The following CTNNA3 variants were observed in gnomAD, a reference collection of about 807,000 sequenced individuals.
The protein encoded by CTNNA3 is catenin alpha 3.
Under a neutral mutation model 95.7 loss-of-function variants are expected in CTNNA3, and 76 were observed. The ratio of observed to expected loss-of-function variants is 0.79; its 90% CI spans 0.66 to 0.96. The LOEUF (loss-of-function observed/expected upper bound fraction) is 0.96, where lower values mean the gene tolerates loss of function less well. Among genes scored for constraint, CTNNA3 ranks in the 40% least tolerant of loss-of-function variants. CTNNA3 has a pLI of 0.00. For synonymous variants in CTNNA3, 431 were observed against 374.4 expected, an observed-to-expected ratio of 1.15 and a Z score of -1.74; for missense variants, 1,191 against 1,089.8, an observed-to-expected ratio of 1.09 and a Z score of -1.31.
intron 5 of CTNNA3, among the ~76,000 whole-genome samples, chr10:67,433,451 A>C (rs868157836): frequency 2.5e-4 from 38 of 152,090 alleles, no homozygotes; most frequent in African/African-American, 8.0e-4. Context: ...CACAGACAGG[A>C]AGTGACCACA....
chr10:66,455,213 G>A (rs1450206073), intron 11 of CTNNA3, among the ~76,000 whole-genome samples: 6 of 152,042 alleles, frequency 3.9e-5, no homozygotes, highest in South Asian at 2.1e-4. Flanking sequence ...AGGCAAGGAT[G>A]TTCACTCTAA....
chr10:66,928,482 T>TA, intron 7 of CTNNA3: 1 of 1,544,108 alleles, frequency 6.5e-7, no homozygotes, highest in South Asian at 1.3e-5. Context: ...AAAGAGCTCT[T>TA]AAAAGCTGGG....
intron 7 of CTNNA3, among the ~76,000 whole-genome samples, chr10:67,064,994 A>G (rs1270172983): frequency 6.6e-6 from 1 of 152,122 alleles, no homozygotes; most frequent in Non-Finnish European, 1.5e-5. Context: ...GAGCCATATA[A>G]TTTCCACAGC....
intron 5 of CTNNA3, among the ~76,000 whole-genome samples, chr10:67,293,613 C>T (rs1212972255): frequency 1.3e-5 from 2 of 151,702 alleles, no homozygotes; most frequent in African/African-American, 4.9e-5. Flanking sequence ...GTGTGCTGCA[C>T]CCATTAACTC....
At chr10:66,206,123 C>T (rs2087740667) in intron 13 of CTNNA3, among the ~76,000 whole-genome samples, 1 of 151,878 alleles carries the variant, frequency 6.6e-6, no homozygotes. Context: ...AGTCCTTTTA[C>T]TAGGTGTGCT....
intron 9 of CTNNA3, among the ~76,000 whole-genome samples, chr10:66,676,944 T>C (rs1348091371): frequency 6.6e-6 from 1 of 152,112 alleles, no homozygotes; most frequent in Non-Finnish European, 1.5e-5. Flanking sequence ...CAGTCTAGTA[T>C]GTTACAAATC....
chr10:67,344,753 C>T (rs1842349634), intron 5 of CTNNA3, among the ~76,000 whole-genome samples: 1 of 151,900 alleles, frequency 6.6e-6, no homozygotes, highest in African/African-American at 2.4e-5. Flanking sequence ...CTTACTCTGC[C>T]TAAAGGTTTG....
intron 17 of CTNNA3, among the ~76,000 whole-genome samples, chr10:65,957,259 C>G (rs2077750672): frequency 6.6e-6 from 1 of 152,106 alleles, no homozygotes; most frequent in Non-Finnish European, 1.5e-5. Context: ...TTCCTCCATC[C>G]CTTTATTTTG....
At chr10:67,682,542 GGAACATAAGCTCTTA>G (rs1840647647) in intron 1 of CTNNA3, among the ~76,000 whole-genome samples, 1 of 152,098 alleles carries the variant, frequency 6.6e-6, no homozygotes, top group South Asian at 2.1e-4. Flanking sequence ...TTAAGTGTTA[GGAACATAAGCTCTTA>G]GTATACACTG....
intron 5 of CTNNA3, among the ~76,000 whole-genome samples, chr10:67,304,181 T>C (rs1840444724): frequency 1.3e-5 from 2 of 152,196 alleles, no homozygotes; most frequent in Admixed American, 1.3e-4. Flanking sequence ...CAGCACCACT[T>C]CACCGTGCCC....
At chr10:66,345,038 T>A (rs940248387) in intron 12 of CTNNA3, among the ~76,000 whole-genome samples, 4 of 151,928 alleles carry the variant, frequency 2.6e-5, no homozygotes, top group Admixed American at 6.6e-5. Context: ...AGAGTAAAAC[T>A]CAGGAAAGAG....
intron 5 of CTNNA3, among the ~76,000 whole-genome samples, chr10:67,380,634 A>G (rs776184994): frequency 3.9e-4 from 59 of 152,356 alleles, no homozygotes; most frequent in Non-Finnish European, 6.6e-4. Context: ...TACATATTCT[A>G]TATGCACAGA....
At chr10:66,786,812 T>C (rs1342164693) in intron 7 of CTNNA3, among the ~76,000 whole-genome samples, 1 of 152,164 alleles carries the variant, frequency 6.6e-6, no homozygotes, top group Non-Finnish European at 1.5e-5. Context: ...AAGAAATATG[T>C]AGAATATTGA....
chr10:66,996,539 T>G (rs948408829), intron 7 of CTNNA3, among the ~76,000 whole-genome samples: 3 of 149,630 alleles, frequency 2.0e-5, no homozygotes, highest in Non-Finnish European at 4.4e-5. Flanking sequence ...TCCCAGCTAC[T>G]CAGGAGGCTG....
chr10:66,889,072 T>A (rs909170141), intron 7 of CTNNA3, among the ~76,000 whole-genome samples: 4 of 152,176 alleles, frequency 2.6e-5, no homozygotes, highest in Admixed American at 1.3e-4. Context: ...TGAAAAGACA[T>A]GGAAGAAACT....
chr10:66,101,281 C>A (rs1247166730), intron 14 of CTNNA3, among the ~76,000 whole-genome samples: 1 of 152,102 alleles, frequency 6.6e-6, no homozygotes, highest in East Asian at 1.9e-4. Context: ...TGACAAATAA[C>A]CCAAATAATC....
chr10:66,078,914 C>T lies in CTNNA3; in HGVS notation c.1978-9425G>A, dbSNP rs543597907. 4 of 151,950 alleles carry T rather than the reference C, an allele frequency of 2.6e-5. No homozygotes were observed. In the South Asian group the frequency reaches 8.3e-4, roughly 31 times the overall value. 9.4% of individuals were successfully genotyped at this position (151,950 alleles called of 1,614,324 possible). On this transcript the variant is annotated intron_variant, in intron 14 of 17. Coordinates refer to ENST00000433211, the MANE Select transcript of CTNNA3 (RefSeq NM_013266.4). ...TAAGATGCTATTCAGTGCCCAGAAA[C>T]TTATACTTTGCTTATAATTTGAATA...
intron 3 of CTNNA3, among the ~76,000 whole-genome samples, chr10:67,584,989 T>G (rs7901898): frequency 0.4 from 61,450 of 152,114 alleles, 15,981 homozygotes; most frequent in African/African-American, 0.71. Flanking sequence ...GCTAAGAAAG[T>G]GAATTCCCCA....
At chr10:67,630,452 C>G (rs1839106385) in intron 2 of CTNNA3, among the ~76,000 whole-genome samples, 1 of 152,132 alleles carries the variant, frequency 6.6e-6, no homozygotes, top group South Asian at 2.1e-4. Context: ...GAGTGCCTGT[C>G]TCAAGCAGAA....
Sources: gnomAD v4.1 joint callset for allele counts (sites outside exome capture counted in the v4.1 genomes callset) on GRCh38, gnomAD v4.1.1 for gene constraint, MANE v1.5 for transcripts, NCBI Gene and HGNC (gene_info 2026-07-23, HGNC 2026-07-21) for gene names.